DSCAML1: variants seen among roughly 807,000 people sequenced by gnomAD.
DSCAML1 encodes the protein cell adhesion molecule DSCAML1.
DSCAML1 carries 38 observed loss-of-function variants against 200.5 expected under a neutral mutation model. That is an observed-to-expected ratio of 0.19 (90% CI 0.15 to 0.25). The LOEUF is 0.25. DSCAML1 is among the 10% of genes least tolerant of loss of function. The probability of loss-of-function intolerance (pLI) is 1.00; values close to 1 mark genes in which losing one functional copy is unlikely to be tolerated. For synonymous variants in DSCAML1, 1,215 were observed against 1,165.0 expected (o/e 1.04, Z -0.87); for missense variants, 2,223 against 2,858.8 (o/e 0.78, Z 5.07).
chr11:117,601,945 C>T (rs889849294), intron 3 of DSCAML1, among the ~76,000 whole-genome samples: 3 of 152,200 alleles, frequency 2.0e-5, no homozygotes, highest in Non-Finnish European at 2.9e-5. Context: ...GACAGCAAGG[C>T]CCTGTGTCCA....
chr11:117,546,768 C>T (rs2050379963), intron 3 of DSCAML1, among the ~76,000 whole-genome samples: 1 of 152,130 alleles, frequency 6.6e-6, no homozygotes. Flanking sequence ...CTCCCCGAAT[C>T]CTTTCCTCTA....
chr11:117,647,488 G>C (rs563403821), intron 3 of DSCAML1, among the ~76,000 whole-genome samples: 200 of 152,314 alleles, frequency 1.3e-3, no homozygotes, highest in African/African-American at 4.7e-3. Flanking sequence ...GGCAGCCAAG[G>C]CTCCAAGACC....
intron 3 of DSCAML1, among the ~76,000 whole-genome samples, chr11:117,670,862 A>G (rs688415): frequency 0.046 from 7,024 of 152,266 alleles, 205 homozygotes; most frequent in East Asian, 0.069. Context: ...GTTGACAGTG[A>G]AATGAATTTG....
chr11:117,520,339 C>T (rs892146478), intron 6 of DSCAML1, among the ~76,000 whole-genome samples: 1 of 152,100 alleles, frequency 6.6e-6, no homozygotes, highest in Non-Finnish European at 1.5e-5. Flanking sequence ...GATAGAGAAA[C>T]AAACAAACAG....
intron 1 of DSCAML1, among the ~76,000 whole-genome samples, chr11:117,794,043 CT>C (rs1233528656): frequency 9.1e-6 from 1 of 109,426 alleles, no homozygotes; most frequent in South Asian, 3.8e-4. Flanking sequence ...CCCCCCCCCC[CT>C]TTTTTTAATT....
At chr11:117,662,883 C>A (rs549423467) in intron 3 of DSCAML1, among the ~76,000 whole-genome samples, 2 of 152,304 alleles carry the variant, frequency 1.3e-5, no homozygotes, top group South Asian at 4.1e-4. Context: ...CAATTTTTAA[C>A]AAGCTCCCCA....
At chr11:117,657,737 G>A (rs1015533568) in intron 3 of DSCAML1, among the ~76,000 whole-genome samples, 1 of 152,212 alleles carries the variant, frequency 6.6e-6, no homozygotes, top group African/African-American at 2.4e-5. Flanking sequence ...TACAGAGGGA[G>A]ATTTTATTAT....
chr11:117,429,675 A>G (rs965871668), intron 32 of DSCAML1, among the ~76,000 whole-genome samples: 1 of 152,098 alleles, frequency 6.6e-6, no homozygotes, highest in African/African-American at 2.4e-5. Context: ...CACCCAACCT[A>G]GTTCCTTATT....
At chr11:117,715,061 T>C (rs1380285129) in intron 3 of DSCAML1, among the ~76,000 whole-genome samples, 1 of 151,904 alleles carries the variant, frequency 6.6e-6, no homozygotes, top group Non-Finnish European at 1.5e-5. Flanking sequence ...ATGGAAACTA[T>C]AACATGTAGA....
At chr11:117,604,070 T>C (rs747480305) in intron 3 of DSCAML1, among the ~76,000 whole-genome samples, 1 of 152,100 alleles carries the variant, frequency 6.6e-6, no homozygotes, top group Non-Finnish European at 1.5e-5. Flanking sequence ...CTCAAAGTGG[T>C]CTTTCTCCCA....
chr11:117,433,575 G>T, intron 27 of DSCAML1, 104 bp from the exon 28 acceptor site: 1 of 1,266,108 alleles, frequency 7.9e-7, no homozygotes. Flanking sequence ...CTTAAAATGG[G>T]GCCAGGGCTG....
In DSCAML1 at chr11:117,489,760, C is replaced by T. The variant is rs1444545148; in HGVS notation, c.2360-7598G>A. On this transcript the variant is annotated intron_variant, in intron 11 of 32. Transcript: ENST00000651296. The surrounding 1 kb of genome is among the most constrained non-coding windows in gnomAD (Gnocchi z 4.8). ...GATGACTTCCAGGGCTCTTCCCTGA[C>T]ACCCCACATTGCATGCAGGCCTCTC... 6.6e-6 allele frequency among the ~76,000 whole-genome samples: 1 copy of T among 152,218 alleles called. No homozygotes were observed. Among genetic ancestry groups the T allele is most frequent in the East Asian group, 1.9e-4 (1 of 5,196 alleles).
intron 3 of DSCAML1, among the ~76,000 whole-genome samples, chr11:117,659,694 C>T (rs1420124820): frequency 6.6e-6 from 1 of 151,796 alleles, no homozygotes; most frequent in Non-Finnish European, 1.5e-5. Flanking sequence ...CCTGACTTGC[C>T]CGGCACATGT....
At chr11:117,543,750 A>G (rs543258393) in intron 3 of DSCAML1, among the ~76,000 whole-genome samples, 1 of 151,642 alleles carries the variant, frequency 6.6e-6, no homozygotes, top group South Asian at 2.1e-4. Context: ...CCATGCAACA[A>G]TACTTATGAA....
chr11:117,734,686 G>A (rs188067847), intron 3 of DSCAML1, among the ~76,000 whole-genome samples: 1 of 152,158 alleles, frequency 6.6e-6, no homozygotes, highest in Non-Finnish European at 1.5e-5. Flanking sequence ...AAGCTCCAGA[G>A]GGGGCAGGGA....
Position 117,505,187 on chromosome 11 carries a change from G to C in DSCAML1, c.2063-144C>G. On this transcript the variant is annotated intron_variant, in intron 9 of 32. Coordinates refer to ENST00000651296, the MANE Select transcript of DSCAML1 (RefSeq NM_020693.4). The surrounding 1 kb of genome is among the most constrained non-coding windows in gnomAD (Gnocchi z 6.7). ...GGCAGTTTCTGAAACCCAAGATGCTGAGAACTTTTGTTGAGTACTGGGTAG... is the reference window on the plus strand; with the variant it reads ...GGCAGTTTCTGAAACCCAAGATGCTCAGAACTTTTGTTGAGTACTGGGTAG... The C allele has an allele frequency of 7.6e-7, 1 of 1,307,776 alleles. No homozygotes were observed. The highest frequency in any genetic ancestry group is 1.0e-6 in the Non-Finnish European group (1 of 962,464). 81.0% of individuals were successfully genotyped at this position (1,307,776 alleles called of 1,614,324 possible).
intron 3 of DSCAML1, among the ~76,000 whole-genome samples, chr11:117,671,091 C>G (rs1479304095): frequency 1.3e-5 from 2 of 152,244 alleles, no homozygotes; most frequent in Non-Finnish European, 2.9e-5. Flanking sequence ...GTTAACATTT[C>G]AAAGCACCAG....
intron 1 of DSCAML1, among the ~76,000 whole-genome samples, chr11:117,803,924 G>A (rs143662695): frequency 6.6e-6 from 1 of 152,340 alleles, no homozygotes; most frequent in Non-Finnish European, 1.5e-5. Flanking sequence ...TGCGCTGGAG[G>A]ATCTCAGGAT....
At chr11:117,669,238 C>T (rs1431783370) in intron 3 of DSCAML1, among the ~76,000 whole-genome samples, 1 of 152,176 alleles carries the variant, frequency 6.6e-6, no homozygotes, top group African/African-American at 2.4e-5. Flanking sequence ...ACAAGTCCTC[C>T]ATTGAAGGGC....
Sources: gnomAD v4.1 joint callset for allele counts (sites outside exome capture counted in the v4.1 genomes callset) on GRCh38, gnomAD v4.1.1 for gene constraint, Gnocchi (gnomAD v3.1) non-coding constraint, MANE v1.5 for transcripts, NCBI Gene and HGNC (gene_info 2026-07-23, HGNC 2026-07-21) for gene names.